Variants in PTK2 observed in about 807,000 individuals in gnomAD.
PTK2 encodes protein tyrosine kinase 2, also known as focal adhesion kinase 1.
In PTK2, 45 loss-of-function variants were observed where a neutral mutation model predicts 150.1. The observed-to-expected ratio is 0.30, with a 90% CI of 0.24 to 0.38. The LOEUF is 0.38. PTK2 is among the 10% of genes least tolerant of loss of function. The probability of loss-of-function intolerance (pLI) is 1.00; values close to 1 mark genes in which losing one functional copy is unlikely to be tolerated. For synonymous variants in PTK2, 432 were observed against 449.2 expected, an observed-to-expected ratio of 0.96 and a Z score of 0.48; for missense variants, 919 against 1,307.3, an observed-to-expected ratio of 0.70 and a Z score of 4.58.
At chr8:140,906,696 T>TA (rs1568597212) in intron 2 of PTK2, among the ~76,000 whole-genome samples, 2 of 152,166 alleles carry the variant, frequency 1.3e-5, no homozygotes, top group East Asian at 3.9e-4. Flanking sequence ...AGAAGTAGGT[T>TA]AAGGGGTACA....
At chr8:140,975,672 C>T (rs571327205) in intron 1 of PTK2, among the ~76,000 whole-genome samples, 2 of 151,774 alleles carry the variant, frequency 1.3e-5, no homozygotes, top group South Asian at 4.2e-4. Flanking sequence ...ATATGCGACC[C>T]CCGAAGGCTG....
chr8:140,682,825 C>T (rs1251092612), intron 27 of PTK2, among the ~76,000 whole-genome samples: 2 of 152,100 alleles, frequency 1.3e-5, no homozygotes, highest in South Asian at 4.1e-4. Context: ...ATACAACACA[C>T]TAGAATCTCT....
At chr8:140,966,871 C>T (rs1257904858) in intron 1 of PTK2, among the ~76,000 whole-genome samples, 2 of 152,190 alleles carry the variant, frequency 1.3e-5, no homozygotes, top group African/African-American at 4.8e-5. Flanking sequence ...ATTTTCCATA[C>T]CACACTAAAT....
At chr8:140,735,742 T>C (rs1415042501) in intron 21 of PTK2, among the ~76,000 whole-genome samples, 1 of 152,186 alleles carries the variant, frequency 6.6e-6, no homozygotes, top group African/African-American at 2.4e-5. Flanking sequence ...CTAGCTACAG[T>C]GGTACTTCGT....
At chr8:140,912,746 A>G (rs2100163709) in intron 2 of PTK2, among the ~76,000 whole-genome samples, 1 of 151,992 alleles carries the variant, frequency 6.6e-6, no homozygotes, top group South Asian at 2.1e-4. Context: ...GGATCACAAC[A>G]TCAGGAGTTC....
At chr8:140,764,323 G>A (rs768532903) in intron 14 of PTK2, 33 bp from the exon 17 acceptor site, 1 of 1,500,534 alleles carries the variant, frequency 6.7e-7, no homozygotes, top group South Asian at 1.1e-5. Flanking sequence ...GTTGAAAGAG[G>A]TTAAACATCT....
intron 22 of PTK2, among the ~76,000 whole-genome samples, chr8:140,732,047 T>A (rs1165036808): frequency 6.6e-6 from 1 of 152,210 alleles, no homozygotes; most frequent in Non-Finnish European, 1.5e-5. Flanking sequence ...GGGAAACATT[T>A]TTAACTACCA....
chr8:140,827,215 T>G (rs1333353725), intron 8 of PTK2, among the ~76,000 whole-genome samples: 1 of 152,116 alleles, frequency 6.6e-6, no homozygotes, highest in Non-Finnish European at 1.5e-5. Flanking sequence ...CCACACCAAG[T>G]GACTGCCCAC....
chr8:140,817,888 A>C (rs2100105699), intron 10 of PTK2, among the ~76,000 whole-genome samples: 1 of 152,148 alleles, frequency 6.6e-6, no homozygotes. Context: ...GAGAATTGTG[A>C]ATGTATAATT....
intron 29 of PTK2, among the ~76,000 whole-genome samples, chr8:140,673,352 C>T (rs1039806250): frequency 6.6e-6 from 1 of 152,080 alleles, no homozygotes; most frequent in Non-Finnish European, 1.5e-5. Flanking sequence ...TTGTGATCCG[C>T]CCGTCTTGGC....
At chr8:140,758,536 C>T (rs1474677286) in intron 16 of PTK2, among the ~76,000 whole-genome samples, 1 of 152,184 alleles carries the variant, frequency 6.6e-6, no homozygotes, top group Non-Finnish European at 1.5e-5. Context: ...GAGGACCTTC[C>T]AGTGGGACAA....
chr8:140,808,727 GTTC>G (rs999328001), intron 10 of PTK2, among the ~76,000 whole-genome samples: 2 of 136,546 alleles, frequency 1.5e-5, no homozygotes, highest in African/African-American at 5.7e-5. Flanking sequence ...TAAAATTTTT[GTTC>G]TTGTTTTTTT....
chr8:140,730,703 T>C (rs1337032058), intron 22 of PTK2, among the ~76,000 whole-genome samples: 1 of 152,206 alleles, frequency 6.6e-6, no homozygotes, highest in East Asian at 1.9e-4. Flanking sequence ...ATAATTGTGT[T>C]TACTGCCCTA....
chr8:140,890,953 G>T (rs1259772558), intron 2 of PTK2, among the ~76,000 whole-genome samples, 184 bp from the exon 3 acceptor site: 3 of 151,844 alleles, frequency 2.0e-5, no homozygotes, highest in Non-Finnish European at 4.4e-5. Flanking sequence ...CCCAGAGTAG[G>T]ACCTGATTTA....
intron 26 of PTK2, among the ~76,000 whole-genome samples, chr8:140,700,487 GT>G (rs199884182): frequency 8.8e-4 from 124 of 140,270 alleles, no homozygotes; most frequent in Middle Eastern, 3.6e-3. Flanking sequence ...ATTTCAAGTA[GT>G]TTTTTTTTTT....
chr8:140,664,150 C>G (rs1160826282), intron 31 of PTK2, among the ~76,000 whole-genome samples: 1 of 152,012 alleles, frequency 6.6e-6, no homozygotes, highest in Non-Finnish European at 1.5e-5. Flanking sequence ...TGCCTAGCTA[C>G]TTTTTGTATT....
intron 1 of PTK2, among the ~76,000 whole-genome samples, chr8:140,964,495 G>A (rs762996402): frequency 2.0e-5 from 3 of 150,452 alleles, no homozygotes; most frequent in Non-Finnish European, 4.4e-5. Context: ...CTCCTACATC[G>A]GTCTCCCAAG....
At chr8:140,996,818 G>A (rs1352807723) in intron 1 of PTK2, among the ~76,000 whole-genome samples, 1 of 152,226 alleles carries the variant, frequency 6.6e-6, no homozygotes, top group Non-Finnish European at 1.5e-5. Flanking sequence ...TGTACAAAGA[G>A]ATCAATGAGG....
intron 1 of PTK2, among the ~76,000 whole-genome samples, chr8:140,944,433 T>TTAC (rs927774497): frequency 6.6e-6 from 1 of 152,178 alleles, no homozygotes; most frequent in Non-Finnish European, 1.5e-5. Flanking sequence ...GGCCTAAGCT[T>TTAC]TACTGTAAGG....
Sources: allele counts gnomAD v4.1 joint callset (sites outside exome capture counted in the v4.1 genomes callset), GRCh38; gene constraint gnomAD v4.1.1; transcripts MANE v1.5; gene names NCBI Gene and HGNC (gene_info 2026-07-23, HGNC 2026-07-21).